The following ASIC2 variants were observed in gnomAD, a reference collection of about 807,000 sequenced individuals.
ASIC2 encodes acid sensing ion channel subunit 2, also known as acid-sensing ion channel 2.
Under a neutral mutation model 57.3 loss-of-function variants are expected in ASIC2, and 25 were observed. That is an observed-to-expected ratio of 0.44 (90% CI 0.32 to 0.61). ASIC2 has a LOEUF of 0.61. Ranked by LOEUF, ASIC2 falls within the 20% of genes least tolerant of loss-of-function variation. ASIC2 has a pLI of 0.06. For missense variants in ASIC2, 641 were observed against 738.1 expected, an observed-to-expected ratio of 0.87 and a Z score of 1.52; for synonymous variants, 319 against 307.5, an observed-to-expected ratio of 1.04 and a Z score of -0.39.
intron 1 of ASIC2, among the ~76,000 whole-genome samples, chr17:33,722,185 A>C (rs1289929047): frequency 6.6e-6 from 1 of 152,122 alleles, no homozygotes; most frequent in East Asian, 1.9e-4. Flanking sequence ...GTAGTGAATA[A>C]GTGTCACGAG....
rs147559460 is a variant in ASIC2 at position 33,015,995 on chromosome 17, G to A, written c.1566C>T (p.Asp522=). The A allele has an allele frequency of 8.4e-5, 135 of 1,614,036 alleles. 1 individual carries two copies. In the African/African-American group the frequency reaches 1.2e-3, roughly 15 times the overall value. Residue 522 remains aspartate, a synonymous_variant, in exon 9 of 10, where the codon GAC becomes GAT. Transcript: ENST00000225823. ...KLLDLLGKEE[D]EGSHDENVST... ...CCACATTCTCATCGTGGCTCCCTTCGTCCTCCTCTTTGCCAAGCAGGTCTA... is the reference window on the plus strand; with the variant it reads ...CCACATTCTCATCGTGGCTCCCTTCATCCTCCTCTTTGCCAAGCAGGTCTA...
In ASIC2 at chr17:33,035,349, TG is replaced by T. The variant is rs374660529; in HGVS notation, c.988-6958del. ...TTTCTTTTCCTGTTTTCCCTCTTCATGTGTCTAGGAGTTTTTGATTGTATAC... is the reference window on the plus strand; with the variant it reads ...TTTCTTTTCCTGTTTTCCCTCTTCATTGTCTAGGAGTTTTTGATTGTATAC... On this transcript the variant is annotated intron_variant, in intron 3 of 9. Coordinates refer to ENST00000225823, the MANE Select transcript of ASIC2 (RefSeq NM_183377.2). Among the ~76,000 whole-genome samples, 36 of 152,364 alleles carry T rather than the reference TG, an allele frequency of 2.4e-4. No homozygotes were observed. In the East Asian group the frequency reaches 6.4e-3, roughly 27 times the overall value.
chr17:33,641,372 G>A (rs866728969), intron 1 of ASIC2, among the ~76,000 whole-genome samples: 3 of 152,286 alleles, frequency 2.0e-5, no homozygotes, highest in Non-Finnish European at 2.9e-5. Context: ...TATACTATAA[G>A]CTCTGTTCTC....
chr17:33,383,933 T>C (rs890246365), intron 1 of ASIC2, among the ~76,000 whole-genome samples: 4 of 152,178 alleles, frequency 2.6e-5, no homozygotes, highest in African/African-American at 9.7e-5. Context: ...CAAAGGCTTG[T>C]TTACTCAGGA....
intron 1 of ASIC2, among the ~76,000 whole-genome samples, chr17:33,445,618 A>G (rs1597729829): frequency 1.3e-5 from 2 of 151,740 alleles, no homozygotes; most frequent in Admixed American, 1.3e-4. Flanking sequence ...ACCAACATGG[A>G]GAAACCCCAT....
intron 1 of ASIC2, among the ~76,000 whole-genome samples, chr17:33,686,429 T>G (rs919189022): frequency 6.6e-6 from 1 of 152,126 alleles, no homozygotes; most frequent in African/African-American, 2.4e-5. Flanking sequence ...TCCTGTTCAG[T>G]ATGTAATTCT....
chr17:33,716,817 C>T (rs1909238189), intron 1 of ASIC2, among the ~76,000 whole-genome samples: 1 of 152,230 alleles, frequency 6.6e-6, no homozygotes, highest in African/African-American at 2.4e-5. Flanking sequence ...CTCAAGCTAT[C>T]TGTCTATCTT....
chr17:33,285,735 A>G (rs1497366), intron 1 of ASIC2, among the ~76,000 whole-genome samples: 76,495 of 152,102 alleles, frequency 0.5, 19,440 homozygotes, highest in East Asian at 0.76. Context: ...TCACCTGCTG[A>G]GTCTGTGACT....
intron 1 of ASIC2, among the ~76,000 whole-genome samples, chr17:33,732,783 G>A (rs900157570): frequency 2.0e-5 from 3 of 152,080 alleles, no homozygotes; most frequent in African/African-American, 7.2e-5. Context: ...GACTACAGGT[G>A]TGCACCACCA....
At chr17:33,641,512 C>T (rs1164869697) in intron 1 of ASIC2, among the ~76,000 whole-genome samples, 2 of 152,230 alleles carry the variant, frequency 1.3e-5, no homozygotes, top group Non-Finnish European at 2.9e-5. Flanking sequence ...AGGACTCACT[C>T]AGAGCCACAC....
At chr17:33,823,189 C>T (rs1324514333) in intron 1 of ASIC2, among the ~76,000 whole-genome samples, 2 of 152,170 alleles carry the variant, frequency 1.3e-5, no homozygotes, top group East Asian at 3.9e-4. Flanking sequence ...GTAAAGCTAA[C>T]TAACTAGCTC....
chr17:33,221,216 T>A (rs1907681357), intron 1 of ASIC2, among the ~76,000 whole-genome samples: 1 of 152,200 alleles, frequency 6.6e-6, no homozygotes, highest in Non-Finnish European at 1.5e-5. Flanking sequence ...CAAGTCACTT[T>A]CCCACTCTGG....
At chr17:33,887,406 C>T (rs1028913241) in intron 1 of ASIC2, among the ~76,000 whole-genome samples, 9 of 152,078 alleles carry the variant, frequency 5.9e-5, no homozygotes, top group Non-Finnish European at 1.2e-4. Flanking sequence ...GAAGAAGGCA[C>T]TGTATTGAGG....
chr17:33,371,177 A>G (rs971649837), intron 1 of ASIC2, among the ~76,000 whole-genome samples: 5 of 152,242 alleles, frequency 3.3e-5, no homozygotes, highest in Non-Finnish European at 5.9e-5. Flanking sequence ...ATAGTGGGAT[A>G]TCAGGATATT....
intron 1 of ASIC2, among the ~76,000 whole-genome samples, chr17:33,230,710 A>AG (rs1908056379): frequency 6.6e-6 from 1 of 151,962 alleles, no homozygotes; most frequent in African/African-American, 2.4e-5. Context: ...GGGGGTAAGA[A>AG]GGGGGGTAAG....
chr17:33,622,125 C>T (rs953242889), intron 1 of ASIC2, among the ~76,000 whole-genome samples: 1 of 151,882 alleles, frequency 6.6e-6, no homozygotes, highest in African/African-American at 2.4e-5. Flanking sequence ...GTGCCTGGCA[C>T]TGTGCAAGGT....
At chr17:33,043,864 G>A (rs1482709664) in intron 3 of ASIC2, among the ~76,000 whole-genome samples, 1 of 152,176 alleles carries the variant, frequency 6.6e-6, no homozygotes. Flanking sequence ...ACAGCTGATT[G>A]TTGTGCTGGT....
At chr17:33,014,429 G>A (rs1300152678) in intron 9 of ASIC2, among the ~76,000 whole-genome samples, 2 of 152,008 alleles carry the variant, frequency 1.3e-5, no homozygotes, top group African/African-American at 2.4e-5. Context: ...GGGCTATGGT[G>A]CAGGAAGTGC....
chr17:33,546,143 G>A (rs9889810), intron 1 of ASIC2, among the ~76,000 whole-genome samples: 4,452 of 149,534 alleles, frequency 0.03, 239 homozygotes, highest in African/African-American at 0.1. Context: ...ATACACATAT[G>A]TATATGTAAA....
Sources: allele counts gnomAD v4.1 joint callset (sites outside exome capture counted in the v4.1 genomes callset), GRCh38; gene constraint gnomAD v4.1.1; transcripts MANE v1.5; gene names NCBI Gene and HGNC (gene_info 2026-07-23, HGNC 2026-07-21).